BAZ1B: variants seen among roughly 807,000 people sequenced by gnomAD.
BAZ1B encodes tyrosine-protein kinase BAZ1B.
BAZ1B carries 22 observed loss-of-function variants against 153.8 expected under a neutral mutation model. The observed-to-expected ratio is 0.14, with a 90% confidence interval of 0.10 to 0.20. The LOEUF (loss-of-function observed/expected upper bound fraction) is 0.20. BAZ1B is among the 10% of genes least tolerant of loss of function. BAZ1B has a pLI of 1.00. For synonymous variants in BAZ1B, 676 were observed against 633.4 expected (o/e 1.07, Z -1.01); for missense variants, 1,325 against 1,799.3 (o/e 0.74, Z 4.77).
intron 1 of BAZ1B, among the ~76,000 whole-genome samples, chr7:73,515,457 CTCTT>C (rs1209718365): frequency 3.3e-5 from 5 of 151,568 alleles, no homozygotes; most frequent in Non-Finnish European, 7.4e-5. Flanking sequence ...TGTCTTCTAG[CTCTT>C]TCTTTGTGCC....
At chr7:73,503,134 G>A (rs776512094) in intron 3 of BAZ1B, among the ~76,000 whole-genome samples, 16 of 152,234 alleles carry the variant, frequency 1.1e-4, no homozygotes, top group Non-Finnish European at 2.1e-4. Context: ...CTTAGTCAAA[G>A]GGTATGTATA....
intron 18 of BAZ1B, 42 bp from the exon 19 acceptor site, chr7:73,442,595 G>A (rs782527486): frequency 3.9e-5 from 61 of 1,573,958 alleles, no homozygotes; most frequent in Admixed American, 1.8e-4. Flanking sequence ...CAGCCTTGAC[G>A]GCAGTGCCCC....
intron 4 of BAZ1B, among the ~76,000 whole-genome samples, chr7:73,498,171 G>A (rs1457197134): frequency 6.6e-6 from 1 of 152,034 alleles, no homozygotes; most frequent in Non-Finnish European, 1.5e-5. Context: ...TGTTGACCAG[G>A]CTGGTCTCGA....
In BAZ1B at chr7:73,452,340, C is replaced by G. The variant is rs115457840; in HGVS notation, c.3433-1346G>C. Among the ~76,000 whole-genome samples the G allele has an allele frequency of 7.1e-3, 1,088 of 152,238 alleles. 14 individuals carry two copies. Among genetic ancestry groups the G allele is most frequent in the African/African-American group, 0.026 (1,064 of 41,546 alleles). ...TGCTGTTTATCCATTCATCAGCTGA[C>G]AGTTACCTGGGCTGCTTCCGTATTT... On this transcript the variant is annotated intron_variant, in intron 13 of 19. Transcript: ENST00000339594.
rs1170325786 is a variant in BAZ1B, at chr7:73,442,355, C to T, written c.4293G>A (p.Lys1431=). 2 of 1,614,148 alleles carry T rather than the reference C, an allele frequency of 1.2e-6. No homozygotes were observed. The highest frequency in any genetic ancestry group is 4.5e-5 in the East Asian group (2 of 44,904). The change falls in exon 19 of 20, where the codon AAG becomes AAA. Residue 1431 remains lysine, a synonymous_variant. Transcript: ENST00000339594. The part of the protein sequence containing the change: ...RGSHVLSCMV[K]TEQCLVALLH... The stretch of plus-strand genomic sequence containing the variant: ...ACAGAGCCACTAGACACTGTTCTGT[C>T]TTCACCATGCAGCTTAGCACATGGC...
intron 1 of BAZ1B, among the ~76,000 whole-genome samples, chr7:73,518,246 C>CA (rs34315305): frequency 0.054 from 6,854 of 127,520 alleles, 189 homozygotes; most frequent in Middle Eastern, 0.085. Flanking sequence ...CTAAAAATAC[C>CA]AAAAAAAAAA....
chr7:73,496,809 G>T (rs2116404511), intron 4 of BAZ1B, among the ~76,000 whole-genome samples: 1 of 152,008 alleles, frequency 6.6e-6, no homozygotes, highest in Admixed American at 6.6e-5. Flanking sequence ...TGGGGGTTAG[G>T]GCTCTGACCT....
intron 16 of BAZ1B, among the ~76,000 whole-genome samples, chr7:73,444,643 G>A (rs1554565952): frequency 1.3e-5 from 2 of 152,154 alleles, no homozygotes. Context: ...TCCATGAAGG[G>A]CCACAAGGCT....
intron 6 of BAZ1B, among the ~76,000 whole-genome samples, chr7:73,483,633 A>C (rs1454740094): frequency 6.6e-6 from 1 of 151,916 alleles, no homozygotes; most frequent in Non-Finnish European, 1.5e-5. Context: ...CCTAACTCAC[A>C]AACTTTTTTT....
At chr7:73,501,285 A>C (rs1790123317) in intron 3 of BAZ1B, among the ~76,000 whole-genome samples, 1 of 152,062 alleles carries the variant, frequency 6.6e-6, no homozygotes. Context: ...ACAAAAACAA[A>C]AACAACAGAT....
rs1554571166 is a variant in BAZ1B, at chr7:73,466,376, A to G, written c.2892T>C (p.Asn964=). ...TTCCATGTTGTGTGTTCATGCTTGC[A>G]TTTTTACCTAAGTTTGCTTTCTTAC... ...PRSKKANLGK[N]ASMNTQHGTA... Residue 964 remains asparagine (N), a synonymous_variant, in exon 10 of 20, where the codon AAT becomes AAC. Transcript: ENST00000339594. 3.1e-6 allele frequency: 5 copies of G among 1,613,708 alleles called. No individual in the cohort carries two copies. The Admixed American group carries it at 6.7e-5, about 22-fold the overall frequency.
intron 9 of BAZ1B, among the ~76,000 whole-genome samples, chr7:73,467,588 T>C (rs1788644447): frequency 6.6e-6 from 1 of 152,150 alleles, no homozygotes; most frequent in African/African-American, 2.4e-5. Context: ...CAGGCTGGTC[T>C]TTTAACTCTT....
chr7:73,506,682 T>A (rs560749117), intron 3 of BAZ1B, among the ~76,000 whole-genome samples: 46 of 143,986 alleles, frequency 3.2e-4, no homozygotes, highest in Non-Finnish European at 5.6e-4. Context: ...AGAGAACCCG[T>A]CTCTACCAAA....
At chr7:73,449,817 T>A in intron 14 of BAZ1B, 128 bp from the exon 15 acceptor site, 1 of 1,008,522 alleles carries the variant, frequency 9.9e-7, no homozygotes, top group Non-Finnish European at 1.4e-6. Flanking sequence ...GCTACCCAGT[T>A]GTTGCTTTGT....
Position 73,521,898 on chromosome 7 carries a change from C to G in BAZ1B, c.36G>C (p.Leu12=). 1.3e-6 allele frequency: 2 copies of G among 1,498,190 alleles called. No homozygotes were observed. The highest frequency in any genetic ancestry group is 1.5e-5 in the African/African-American group (1 of 68,456). 92.8% of individuals were successfully genotyped at this position (1,498,190 alleles called of 1,614,324 possible). A position where few individuals can be genotyped will look rare whatever the true frequency, so the allele number is the denominator to read the frequency against. Residue 12 remains leucine, a synonymous_variant, in exon 1 of 20, where the codon CTG becomes CTC. Coordinates refer to ENST00000339594, the MANE Select transcript of BAZ1B (RefSeq NM_032408.4). ...APLLGRKPFP[L]VKPLPGEEPL... ...GCTCCTCTCCGGGCAACGGCTTCAC[C>G]AGCGGGAAGGGCTTGCGGCCCAGGA...
At chr7:73,447,761 G>A (rs1429014859) in intron 15 of BAZ1B, among the ~76,000 whole-genome samples, 1 of 152,210 alleles carries the variant, frequency 6.6e-6, no homozygotes, top group Non-Finnish European at 1.5e-5. Flanking sequence ...CCACCTCTGA[G>A]GTAGACTGAA....
chr7:73,446,767 C>T (rs1183547911), intron 16 of BAZ1B, among the ~76,000 whole-genome samples: 1 of 152,130 alleles, frequency 6.6e-6, no homozygotes, highest in Non-Finnish European at 1.5e-5. Context: ...CATCCTTCCA[C>T]CTAAGCCTTC....
intron 11 of BAZ1B, among the ~76,000 whole-genome samples, chr7:73,463,952 T>C (rs1554570788): frequency 6.6e-6 from 1 of 152,206 alleles, no homozygotes; most frequent in Non-Finnish European, 1.5e-5. Flanking sequence ...GTGATCCGCC[T>C]GCCTCTGCCT....
In BAZ1B at chr7:73,522,215, C is replaced by T. The variant is rs1791092194; in HGVS notation, c.-282G>A. On this transcript the variant is annotated 5_prime_UTR_variant, in exon 1 of 20. Coordinates refer to ENST00000339594, the MANE Select transcript of BAZ1B (RefSeq NM_032408.4). ...CCGGCGGCCGGCAGTCACGACTCCT[C>T]CTCAGCAGCACCGGAGGAAATTATT... The T allele has an allele frequency of 2.6e-6, 1 of 389,086 alleles. No individual in the cohort carries two copies. The highest frequency in any genetic ancestry group is 1.3e-4 in the South Asian group (1 of 7,650). 24.1% of individuals were successfully genotyped at this position (389,086 alleles called of 1,614,324 possible). A position where few individuals can be genotyped will look rare whatever the true frequency, so the allele number is the denominator to read the frequency against.
Sources: gnomAD v4.1 joint callset for allele counts (sites outside exome capture counted in the v4.1 genomes callset) on GRCh38, gnomAD v4.1.1 for gene constraint, MANE v1.5 for transcripts, NCBI Gene and HGNC (gene_info 2026-07-23, HGNC 2026-07-21) for gene names.